Variants in TENM2 observed in about 807,000 individuals in gnomAD.
The protein encoded by TENM2 is teneurin transmembrane protein 2.
TENM2 carries 52 observed loss-of-function variants against 245.2 expected under a neutral mutation model. That is an observed-to-expected ratio of 0.21 (90% CI 0.17 to 0.27). The LOEUF is 0.27. Ranked by LOEUF, TENM2 falls within the 10% of genes least tolerant of loss-of-function variation. The pLI is 1.00. For synonymous variants in TENM2, 1,363 were observed against 1,438.9 expected, an observed-to-expected ratio of 0.95 and a Z score of 1.19; for missense variants, 3,046 against 3,666.8, an observed-to-expected ratio of 0.83 and a Z score of 4.37.
At chr5:168,230,522 GT>G (rs1327586878) in intron 25 of TENM2, among the ~76,000 whole-genome samples, 1 of 152,194 alleles carries the variant, frequency 6.6e-6, no homozygotes, top group Non-Finnish European at 1.5e-5. Flanking sequence ...TTCGTCAGAT[GT>G]TTCGTGAGCC....
At chr5:167,845,967 A>C (rs1472255442) in intron 2 of TENM2, among the ~76,000 whole-genome samples, 4 of 152,144 alleles carry the variant, frequency 2.6e-5, no homozygotes, top group African/African-American at 9.7e-5. Context: ...ATGTCACTCA[A>C]CAGCTGCTTC....
At chr5:167,950,019 T>C (rs1413767643) in intron 3 of TENM2, among the ~76,000 whole-genome samples, 1 of 152,204 alleles carries the variant, frequency 6.6e-6, no homozygotes, top group Non-Finnish European at 1.5e-5. Context: ...CAATGAAATA[T>C]CATCTTGCTT....
rs58351767 is a variant in TENM2, at chr5:167,702,552, G to GTGTATATATA, written c.503-173433_503-173432insGTATATATAT. ...TATGTATGTATGTATGTGTGTGTGT[G>GTGTATATATA]TATATATATATATATATATACATAT... On this transcript the variant is annotated intron_variant, in intron 2 of 28. Coordinates refer to ENST00000518659, the Ensembl canonical transcript of TENM2. Among the ~76,000 whole-genome samples, 544 of 136,764 alleles carry GTGTATATATA rather than the reference G, an allele frequency of 4.0e-3. 10 individuals carry two copies. The highest frequency in any genetic ancestry group is 0.027 in the East Asian group (131 of 4,772). 89.7% of individuals were successfully genotyped at this position (136,764 alleles called of 152,430 possible). A position where few individuals can be genotyped will look rare whatever the true frequency, so the allele number is the denominator to read the frequency against.
intron 2 of TENM2, among the ~76,000 whole-genome samples, chr5:167,530,197 A>AT (rs1394424166): frequency 4.5e-4 from 68 of 152,288 alleles, no homozygotes; most frequent in Non-Finnish European, 1.6e-4. Context: ...TTTTTATTAT[A>AT]TTTTACATCT....
At chr5:167,500,306 G>A (rs1380781598) in intron 2 of TENM2, among the ~76,000 whole-genome samples, 1 of 152,004 alleles carries the variant, frequency 6.6e-6, no homozygotes, top group Non-Finnish European at 1.5e-5. Flanking sequence ...TGCAGCCTTT[G>A]AAGTTTCCAT....
At chr5:167,249,261 G>A in the TENM2 span, among the ~76,000 whole-genome samples, 2 of 152,066 alleles carry the variant, frequency 1.3e-5, no homozygotes, top group African/African-American at 4.8e-5. Flanking sequence ...TGAAATACAA[G>A]GTATGAAGTA....
At chr5:167,732,160 A>G (rs574852145) in intron 2 of TENM2, among the ~76,000 whole-genome samples, 1 of 152,292 alleles carries the variant, frequency 6.6e-6, no homozygotes, top group South Asian at 2.1e-4. Context: ...TTGAATTCCA[A>G]TTAGGTGAGG....
At chr5:168,070,807 GAGAGAGAGAGAGAA>G (rs1191333764) in intron 7 of TENM2, among the ~76,000 whole-genome samples, 6 of 132,828 alleles carry the variant, frequency 4.5e-5, no homozygotes, top group African/African-American at 1.1e-4. Context: ...GAGAGAGAGA[GAGAGAGAGAGAGAA>G]AAAAAGAAAG....
the TENM2 span, among the ~76,000 whole-genome samples, chr5:167,216,273 T>C: frequency 6.6e-6 from 1 of 152,214 alleles, no homozygotes; most frequent in Non-Finnish European, 1.5e-5. Context: ...CAAAAAGTAA[T>C]TGGATGGATT....
the TENM2 span, among the ~76,000 whole-genome samples, chr5:167,113,091 G>T: frequency 6.6e-6 from 1 of 152,180 alleles, no homozygotes; most frequent in Admixed American, 6.5e-5. Context: ...GTAAGAGTGT[G>T]TTGGAGTCAA....
intron 2 of TENM2, among the ~76,000 whole-genome samples, chr5:167,799,519 A>T (rs779912424): frequency 6.6e-6 from 1 of 152,232 alleles, no homozygotes; most frequent in Non-Finnish European, 1.5e-5. Flanking sequence ...TTAAAGAAAA[A>T]CTATTACATA....
chr5:167,663,141 GGAGAGAGAGAGAGA>G lies in TENM2; in HGVS notation c.503-212812_503-212799del, dbSNP rs544699415. On this transcript the variant is annotated intron_variant, in intron 2 of 28. Transcript: ENST00000518659. ...AGAGAGACAGAGAGAATGGGGATGG[GGAGAGAGAGAGAGA>G]GAGAGAGAGAGAGAGAGAGAGAGAG... is the stretch of plus-strand genomic sequence containing the variant. Among the ~76,000 whole-genome samples, 922 of 108,600 alleles carry G rather than the reference GGAGAGAGAGAGAGA, an allele frequency of 8.5e-3. 5 individuals are homozygous for G. The highest frequency in any genetic ancestry group is 0.028 in the African/African-American group (779 of 27,422). 71.2% of individuals were successfully genotyped at this position (108,600 alleles called of 152,430 possible). A position where few individuals can be genotyped will look rare whatever the true frequency, so the allele number is the denominator to read the frequency against.
intron 27 of TENM2, among the ~76,000 whole-genome samples, chr5:168,253,169 G>A (rs1200794394): frequency 6.6e-6 from 1 of 151,990 alleles, no homozygotes; most frequent in Non-Finnish European, 1.5e-5. Context: ...GGGTTTCACT[G>A]TGTTAGCCAG....
the TENM2 span, among the ~76,000 whole-genome samples, chr5:167,059,437 A>C: frequency 6.6e-6 from 1 of 152,190 alleles, no homozygotes; most frequent in Non-Finnish European, 1.5e-5. Flanking sequence ...GATATACTTA[A>C]CAGTTTTTCA....
the TENM2 span, among the ~76,000 whole-genome samples, chr5:167,131,212 A>AT: frequency 6.6e-6 from 1 of 152,054 alleles, no homozygotes; most frequent in South Asian, 2.1e-4. Flanking sequence ...AAACATTTTT[A>AT]TTTTTTCCTG....
chr5:167,874,468 A>C (rs1328512407), intron 2 of TENM2, among the ~76,000 whole-genome samples: 1 of 152,170 alleles, frequency 6.6e-6, no homozygotes, highest in Non-Finnish European at 1.5e-5. Flanking sequence ...AGTACATCTA[A>C]AAGCAGGAAC....
intron 2 of TENM2, among the ~76,000 whole-genome samples, chr5:167,688,776 C>A (rs530997005): frequency 1.3e-5 from 2 of 152,264 alleles, no homozygotes; most frequent in East Asian, 3.9e-4. Context: ...CAAGCAGTGA[C>A]AAAATAAACA....
chr5:167,497,388 C>T (rs1768887531), intron 2 of TENM2, among the ~76,000 whole-genome samples: 1 of 152,068 alleles, frequency 6.6e-6, no homozygotes, highest in African/African-American at 2.4e-5. Context: ...TGTTCTCTGA[C>T]AACATAGATC....
At chr5:168,227,941 G>T (rs1764381171) in exon 25 of TENM2, 2 of 1,613,164 alleles carry the variant, frequency 1.2e-6, no homozygotes, top group African/African-American at 2.7e-5. Context: ...GTACCCTGAG[G>T]GTGATGTATG....
Sources: allele counts gnomAD v4.1 joint callset (sites outside exome capture counted in the v4.1 genomes callset), GRCh38; gene constraint gnomAD v4.1.1; transcripts MANE v1.5; gene names NCBI Gene and HGNC (gene_info 2026-07-23, HGNC 2026-07-21).